The following MLLT3 variants were observed in gnomAD, a reference collection of about 807,000 sequenced individuals.
MLLT3 encodes the protein protein AF-9.
A neutral mutation model predicts 53.2 loss-of-function variants in MLLT3; 4 were observed. The observed-to-expected ratio is 0.08, with a 90% CI of 0.04 to 0.17. The LOEUF is 0.17. MLLT3 is among the 10% of genes least tolerant of loss of function. MLLT3 has a pLI of 1.00. For synonymous variants in MLLT3, 283 were observed against 230.6 expected (o/e 1.23, Z -2.06); for missense variants, 569 against 684.0 (o/e 0.83, Z 1.87).
intron 2 of MLLT3, among the ~76,000 whole-genome samples, chr9:20,542,057 G>C (rs1818649252): frequency 2.6e-5 from 4 of 152,094 alleles, no homozygotes; most frequent in Admixed American, 2.6e-4. Context: ...ACTATCTATG[G>C]CAGCTGTTGC....
In MLLT3 at chr9:20,388,582, G is replaced by A. The variant is rs139000778; in HGVS notation, c.1126-22838C>T. 4.5e-3 allele frequency among the ~76,000 whole-genome samples: 675 copies of A among 151,548 alleles called. 5 individuals are homozygous for A. Among genetic ancestry groups the A allele is most frequent in the African/African-American group, 0.015 (633 of 41,308 alleles). ...TGGCCTGGGTGACAGAGTGAGACTCGGTCTCAAAAAAACAAAACTATTCTC... is the reference window on the plus strand; with the variant it reads ...TGGCCTGGGTGACAGAGTGAGACTCAGTCTCAAAAAAACAAAACTATTCTC... On this transcript the variant is annotated intron_variant, in intron 5 of 10. Coordinates refer to ENST00000380338, the MANE Select transcript of MLLT3 (RefSeq NM_004529.4).
chr9:20,552,760 G>A (rs1361421932), intron 2 of MLLT3, among the ~76,000 whole-genome samples: 1 of 152,016 alleles, frequency 6.6e-6, no homozygotes, highest in Non-Finnish European at 1.5e-5. Flanking sequence ...TTAGGAAATA[G>A]TTTTAATAGA....
intron 8 of MLLT3, among the ~76,000 whole-genome samples, chr9:20,356,721 T>C (rs911091411): frequency 6.6e-6 from 1 of 152,346 alleles, no homozygotes; most frequent in Middle Eastern, 3.4e-3. Context: ...AGAACTTTGC[T>C]AACTAGGTTT....
At chr9:20,486,250 A>G (rs1217513354) in intron 2 of MLLT3, among the ~76,000 whole-genome samples, 2 of 152,164 alleles carry the variant, frequency 1.3e-5, no homozygotes, top group East Asian at 3.8e-4. Context: ...ACATGGCAGC[A>G]ATAACTGCTT....
At chr9:20,492,865 A>G (rs1439201474) in intron 2 of MLLT3, among the ~76,000 whole-genome samples, 1 of 151,978 alleles carries the variant, frequency 6.6e-6, no homozygotes. Flanking sequence ...ATTTAATGCC[A>G]TAACACTCTC....
intron 2 of MLLT3, among the ~76,000 whole-genome samples, chr9:20,462,785 G>A (rs141625982): frequency 2.5e-4 from 38 of 152,098 alleles, no homozygotes; most frequent in Admixed American, 1.4e-3. Context: ...CCTTATCCCA[G>A]ACCATCATTT....
At chr9:20,458,944 G>T (rs899261519) in intron 2 of MLLT3, among the ~76,000 whole-genome samples, 2 of 152,114 alleles carry the variant, frequency 1.3e-5, no homozygotes, top group African/African-American at 4.8e-5. Context: ...GATGCAGCAA[G>T]CAAGAGCCCT....
intron 4 of MLLT3, among the ~76,000 whole-genome samples, chr9:20,440,825 C>A (rs1023750556): frequency 1.3e-5 from 2 of 152,116 alleles, no homozygotes; most frequent in African/African-American, 4.8e-5. Flanking sequence ...CTGTTCATTT[C>A]TTATTTTCTT....
chr9:20,479,554 G>A (rs1824612077), intron 2 of MLLT3, among the ~76,000 whole-genome samples: 1 of 152,112 alleles, frequency 6.6e-6, no homozygotes, highest in African/African-American at 2.4e-5. Context: ...AAAGGAGTAA[G>A]GCCTAGAGAA....
chr9:20,609,844 C>T (rs928600160), intron 2 of MLLT3, among the ~76,000 whole-genome samples: 6 of 152,070 alleles, frequency 3.9e-5, no homozygotes, highest in African/African-American at 1.4e-4. Context: ...GGATAAAATT[C>T]CAATACACTG....
intron 2 of MLLT3, among the ~76,000 whole-genome samples, chr9:20,563,689 G>A (rs1156989839): frequency 1.3e-5 from 2 of 152,048 alleles, no homozygotes; most frequent in Non-Finnish European, 2.9e-5. Context: ...TTATCCTTCA[G>A]TGAAGGCCTT....
intron 2 of MLLT3, among the ~76,000 whole-genome samples, chr9:20,488,431 T>A (rs1189821687): frequency 6.6e-6 from 1 of 152,092 alleles, no homozygotes; most frequent in Non-Finnish European, 1.5e-5. Flanking sequence ...CTAAACTGAA[T>A]GAAAAATTGA....
chr9:20,520,520 A>C (rs1357407308), intron 2 of MLLT3, among the ~76,000 whole-genome samples: 2 of 152,338 alleles, frequency 1.3e-5, no homozygotes, highest in East Asian at 3.9e-4. Context: ...CATGTAACTT[A>C]AAGTCCAGCA....
At chr9:20,355,999 C>T (rs551297984) in intron 8 of MLLT3, among the ~76,000 whole-genome samples, 45 of 152,180 alleles carry the variant, frequency 3.0e-4, no homozygotes, top group African/African-American at 1.0e-3. Flanking sequence ...AGTTCAAGTC[C>T]CAGCCTTATT....
chr9:20,367,292 T>C (rs1239250802), intron 5 of MLLT3, among the ~76,000 whole-genome samples: 1 of 152,214 alleles, frequency 6.6e-6, no homozygotes, highest in African/African-American at 2.4e-5. Context: ...GGAAGTATCA[T>C]GTTTTCTTGT....
chr9:20,584,266 G>A (rs10964625), intron 2 of MLLT3, among the ~76,000 whole-genome samples: 61,232 of 151,952 alleles, frequency 0.4, 13,027 homozygotes, highest in Non-Finnish European at 0.49. Context: ...TGTTCATATC[G>A]CTATCAGCAT....
chr9:20,566,013 T>TA (rs1405186272), intron 2 of MLLT3, among the ~76,000 whole-genome samples: 25 of 130,720 alleles, frequency 1.9e-4, no homozygotes, highest in African/African-American at 7.1e-4. Context: ...TATATATATT[T>TA]TTATATATAT....
At chr9:20,372,427 T>G (rs954194926) in intron 5 of MLLT3, among the ~76,000 whole-genome samples, 6 of 152,104 alleles carry the variant, frequency 3.9e-5, no homozygotes, top group Non-Finnish European at 7.4e-5. Flanking sequence ...AGACGGAGTC[T>G]CACTCTGTCA....
At position 20,428,991 on chromosome 9, in the gene MLLT3, G is replaced by C. The variant is rs138930167; in HGVS notation, c.421-14566C>G. The stretch of plus-strand genomic sequence containing the variant: ...AAGTAGTTTGAAATCTTCCTACAAA[G>C]AAAACATCAAGCCCACAGGGTTTTA... On this transcript the variant is annotated intron_variant, in intron 4 of 10. Transcript: ENST00000380338. 3.6e-3 allele frequency among the ~76,000 whole-genome samples: 550 copies of C among 152,060 alleles called. 6 individuals are homozygous for C. The highest frequency in any genetic ancestry group is 0.012 in the African/African-American group (517 of 41,444).
Sources: allele counts gnomAD v4.1 joint callset (sites outside exome capture counted in the v4.1 genomes callset), GRCh38; gene constraint gnomAD v4.1.1; transcripts MANE v1.5; gene names NCBI Gene and HGNC (gene_info 2026-07-23, HGNC 2026-07-21).